The following HEMGN variants were observed in gnomAD, a reference collection of about 807,000 sequenced individuals.
HEMGN encodes erythroid differentiation-associated gene protein.
A neutral mutation model predicts 45.7 loss-of-function variants in HEMGN; 32 were observed. The ratio of observed to expected loss-of-function variants is 0.70; its 90% CI spans 0.53 to 0.94. The LOEUF is 0.94. Ranked by LOEUF, HEMGN falls within the 40% of genes least tolerant of loss-of-function variation. The pLI is 0.00. For synonymous variants in HEMGN, 183 were observed against 178.6 expected (o/e 1.02, Z -0.20); for missense variants, 530 against 564.2 (o/e 0.94, Z 0.61).
In HEMGN at chr9:97,927,178, C is replaced by G. The variant is rs1304040087; in HGVS notation, c.*206G>C. On this transcript the variant is annotated 3_prime_UTR_variant, in exon 4 of 4. Transcript: ENST00000616898. The stretch of plus-strand genomic sequence containing the variant: ...CGACCTATACATACATACACACACA[C>G]ACACACACACACACACACACATTCT... 2.1e-5 allele frequency: 7 copies of G among 332,044 alleles called. No homozygotes were observed. The highest frequency in any genetic ancestry group is 8.4e-5 in the African/African-American group (4 of 47,484). The allele number at this position is 332,044 out of a possible 1,614,324, so 20.6% of individuals were successfully genotyped here.
intron 1 of HEMGN, 83 bp downstream of exon 1, chr9:97,937,975 T>TG: frequency 1.5e-6 from 1 of 665,316 alleles, no homozygotes; most frequent in Non-Finnish European, 2.5e-6. Flanking sequence ...TTTTTTTTTT[T>TG]GGCCAGATCC....
Position 97,936,171 on chromosome 9 carries a change from C to A in HEMGN, c.173G>T (p.Gly58Val), listed in dbSNP as rs1485372315. 6.2e-7 allele frequency: 1 copy of A among 1,603,038 alleles called. No individual in the cohort carries two copies. The highest frequency in any genetic ancestry group is 8.5e-7 in the Non-Finnish European group (1 of 1,170,088). ...CCTTTCCCTTGTGATGCTACCATACCCAAATAGCCATTGTGATGTTTCCTT... is the reference window on the plus strand; with the variant it reads ...CCTTTCCCTTGTGATGCTACCATACACAAATAGCCATTGTGATGTTTCCTT... ...HEKETSQWLF[G>V]EQKKRKQQRT... is the part of the protein sequence containing the mutation. The change falls in exon 2 of 4, where the codon GGA (glycine) becomes GTA (valine). Residue 58 changes from glycine to valine, a missense_variant and splice_region_variant. Transcript: ENST00000616898.
At chr9:97,943,685 C>G (rs1354632292) in intron 1 of HEMGN, among the ~76,000 whole-genome samples, 2 of 152,140 alleles carry the variant, frequency 1.3e-5, no homozygotes, top group Non-Finnish European at 2.9e-5. Context: ...CACCTTGAGC[C>G]TCCCCCTTAT....
In HEMGN at chr9:97,930,041, G is replaced by A; in HGVS notation, c.1354C>T (p.Pro452Ser). The A allele has an allele frequency of 6.2e-7, 1 of 1,612,490 alleles. No homozygotes were observed. The highest frequency in any genetic ancestry group is 1.1e-5 in the South Asian group (1 of 90,862). Residue 452 changes from proline (P) to serine (S), a missense_variant, in exon 3 of 4, where the codon CCT becomes TCT. Coordinates refer to ENST00000616898, the MANE Select transcript of HEMGN (RefSeq NM_197978.3). ...TGCTATAAACAGCCCTTACCTTGAG[G>A]AAAAGTATAAGCATCTTTAGCATCT... ...QEDAKDAYTF[P>S]QEMKEKPKEE...
At position 97,931,132 on chromosome 9, in the gene HEMGN, G is replaced by T; in HGVS notation, c.263C>A (p.Pro88His). 1 of 1,614,040 alleles carries T rather than the reference G, an allele frequency of 6.2e-7. No homozygotes were observed. The highest frequency in any genetic ancestry group is 8.5e-7 in the Non-Finnish European group (1 of 1,179,998). Residue 88 changes from proline to histidine, a missense_variant, in exon 3 of 4, where the codon CCT (proline) becomes CAT (histidine). Transcript: ENST00000616898. ...RQQNTELKVE[P>H]QPQIEKEIVE... is the part of the protein sequence containing the mutation. ...TATTTCCTTTTCTATCTGTGGCTGA[G>T]GCTCCACCTTCAATTCTGTGTTTTG... is the stretch of plus-strand genomic sequence containing the variant.
At chr9:97,932,676 C>T (rs1014658609) in intron 2 of HEMGN, among the ~76,000 whole-genome samples, 15 of 151,844 alleles carry the variant, frequency 9.9e-5, no homozygotes, top group Admixed American at 4.6e-4. Context: ...TGGTGGTGCG[C>T]GTCTGTAATC....
upstream of HEMGN, among the ~76,000 whole-genome samples, chr9:97,939,183 C>T (rs937823596): frequency 6.6e-6 from 1 of 152,156 alleles, no homozygotes; most frequent in African/African-American, 2.4e-5. Context: ...AATTCAGTGA[C>T]CTGAGGCAGG....
At chr9:97,943,897 A>G (rs1406533041) in intron 1 of HEMGN, among the ~76,000 whole-genome samples, 1 of 151,872 alleles carries the variant, frequency 6.6e-6, no homozygotes, top group East Asian at 1.9e-4. Flanking sequence ...TGCAGCTTAT[A>G]ATTCCTCTGA....
intron 1 of HEMGN, 29 bp downstream of exon 1, chr9:97,938,029 C>T (rs762299439): frequency 7.1e-7 from 1 of 1,404,756 alleles, no homozygotes; most frequent in Non-Finnish European, 1.0e-6. Context: ...TTCTCAACAG[C>T]CACCAGCTCT....
upstream of HEMGN, among the ~76,000 whole-genome samples, chr9:97,940,399 G>C (rs974873825): frequency 2.6e-5 from 4 of 152,126 alleles, no homozygotes; most frequent in African/African-American, 9.7e-5. Context: ...CTGTAAGAGG[G>C]TGGGGTTTCA....
At chr9:97,941,735 G>C (rs1381491684), upstream of HEMGN, among the ~76,000 whole-genome samples, 2 of 152,148 alleles carry the variant, frequency 1.3e-5, no homozygotes, top group Non-Finnish European at 2.9e-5. Flanking sequence ...TGTGCTAACA[G>C]GTTAGGGAGA....
At chr9:97,936,316 A>T in intron 1 of HEMGN, 52 bp from the exon 2 acceptor site, 1 of 1,272,646 alleles carries the variant, frequency 7.9e-7, no homozygotes, top group Non-Finnish European at 1.1e-6. Flanking sequence ...GGTGTCTATC[A>T]GCAAAAGTCC....
chr9:97,932,925 A>G (rs1826983768), intron 2 of HEMGN, among the ~76,000 whole-genome samples: 1 of 152,192 alleles, frequency 6.6e-6, no homozygotes, highest in Admixed American at 6.5e-5. Context: ...TTTTTTGAAA[A>G]AGATATTAAT....
rs367714883 is a variant in HEMGN, at chr9:97,930,186, C to G, written c.1209G>C (p.Pro403=). 6.2e-7 allele frequency: 1 copy of G among 1,613,910 alleles called. No individual in the cohort carries two copies. Among genetic ancestry groups the G allele is most frequent in the Non-Finnish European group, 8.5e-7 (1 of 1,179,974 alleles). ...TCTCAGTAGAGAGGTCTTCAGGCCC[C>G]GGTGTTTCTTGGTATATTTCAGGTG... is the stretch of plus-strand genomic sequence containing the variant. ...EYSPEIYQET[P]GPEDLSTETY... is the part of the protein sequence containing the mutation. Residue 403 remains proline (P), a synonymous_variant, in exon 3 of 4, where the codon CCG becomes CCC. Transcript: ENST00000616898.
In HEMGN at chr9:97,931,102, TCCA is replaced by T. The variant is rs1320606196; in HGVS notation, c.290_292del (p.Val97del). On this transcript the variant is annotated inframe_deletion, in exon 3 of 4. Coordinates refer to ENST00000616898, the MANE Select transcript of HEMGN (RefSeq NM_197978.3). ...TTTCTCTATAGGTGCCAGTGCTTTC[TCCA>T]CTATTTCCTTTTCTATCTGTGGCTG... is the stretch of plus-strand genomic sequence containing the variant. 5.6e-6 allele frequency: 9 copies of T among 1,614,118 alleles called. No homozygotes were observed. The highest frequency in any genetic ancestry group is 7.6e-6 in the Non-Finnish European group (9 of 1,180,028).
upstream of HEMGN, among the ~76,000 whole-genome samples, chr9:97,941,600 G>A (rs535550790): frequency 6.6e-6 from 1 of 152,328 alleles, no homozygotes; most frequent in African/African-American, 2.4e-5. Context: ...TGAATATGGG[G>A]TGAGACATAA....
At chr9:97,928,756 T>G (rs1826883535) in intron 3 of HEMGN, among the ~76,000 whole-genome samples, 1 of 152,244 alleles carries the variant, frequency 6.6e-6, no homozygotes, top group Non-Finnish European at 1.5e-5. Flanking sequence ...AACTTGGCAG[T>G]AACCTAAGTG....
chr9:97,933,966 A>G (rs1827006552), intron 2 of HEMGN, among the ~76,000 whole-genome samples: 1 of 152,208 alleles, frequency 6.6e-6, no homozygotes, highest in Non-Finnish European at 1.5e-5. Context: ...TCAGGGGCAG[A>G]GCTCATCAAG....
At chr9:97,933,717 A>T (rs369372588) in intron 2 of HEMGN, among the ~76,000 whole-genome samples, 1 of 152,218 alleles carries the variant, frequency 6.6e-6, no homozygotes. Flanking sequence ...TGGCTTTAAC[A>T]GCCAGGCTCA....
Sources: gnomAD v4.1 joint callset for allele counts (sites outside exome capture counted in the v4.1 genomes callset) on GRCh38, gnomAD v4.1.1 for gene constraint, MANE v1.5 for transcripts, NCBI Gene and HGNC (gene_info 2026-07-23, HGNC 2026-07-21) for gene names.